Variants in ADAMTS19 observed in about 807,000 individuals in gnomAD.
The protein encoded by ADAMTS19 is A disintegrin and metalloproteinase with thrombospondin motifs 19.
Under a neutral mutation model 153.3 loss-of-function variants are expected in ADAMTS19, and 93 were observed. The observed-to-expected ratio is 0.61, with a 90% CI of 0.51 to 0.72. The LOEUF is 0.72. Among genes scored for constraint, ADAMTS19 ranks in the 30% least tolerant of loss-of-function variants. ADAMTS19 has a pLI of 0.00. For missense variants in ADAMTS19, 1,482 were observed against 1,552.1 expected (o/e 0.95, Z 0.76); for synonymous variants, 600 against 556.6 (o/e 1.08, Z -1.10).
chr5:129,723,232 A>G (rs949871814), intron 21 of ADAMTS19, among the ~76,000 whole-genome samples: 3 of 152,196 alleles, frequency 2.0e-5, no homozygotes, highest in Non-Finnish European at 4.4e-5. Context: ...ACACTTCTGT[A>G]AACTTGAACA....
chr5:129,528,519 G>A lies in ADAMTS19; in HGVS notation c.1171-1G>A. On this transcript the variant is annotated splice_acceptor_variant, in intron 5 of 22. Coordinates refer to ENST00000274487, the MANE Select transcript of ADAMTS19 (RefSeq NM_133638.6). LOFTEE classifies it high-confidence loss of function. ...TTGTGATGAGCTCTGTTCTTTTGCA[G>A]CCAGAACTATATATTGGGCATCATG... 6.3e-7 allele frequency: 1 copy of A among 1,579,304 alleles called. No homozygotes were observed. Among genetic ancestry groups the A allele is most frequent in the Non-Finnish European group, 8.6e-7 (1 of 1,166,448 alleles).
At chr5:129,567,599 C>G (rs944675092) in intron 7 of ADAMTS19, among the ~76,000 whole-genome samples, 2 of 151,956 alleles carry the variant, frequency 1.3e-5, no homozygotes, top group African/African-American at 4.8e-5. Flanking sequence ...ATGGAGCTGA[C>G]TGAGAAAAGA....
chr5:129,584,799 G>C (rs1017979621), intron 7 of ADAMTS19, among the ~76,000 whole-genome samples: 9 of 152,218 alleles, frequency 5.9e-5, no homozygotes, highest in African/African-American at 2.2e-4. Context: ...GCTGGCAGCA[G>C]GAATTTCAAG....
At chr5:129,667,983 G>A (rs752170883) in intron 16 of ADAMTS19, among the ~76,000 whole-genome samples, 2 of 152,168 alleles carry the variant, frequency 1.3e-5, no homozygotes, top group Non-Finnish European at 2.9e-5. Context: ...CAACAAAAAT[G>A]TATTCCCTCA....
chr5:129,716,576 T>C (rs1756740929), intron 21 of ADAMTS19, among the ~76,000 whole-genome samples: 1 of 147,118 alleles, frequency 6.8e-6, no homozygotes, highest in African/African-American at 2.7e-5. Flanking sequence ...CCAGTTTCTT[T>C]TTTTTTTTTT....
intron 6 of ADAMTS19, among the ~76,000 whole-genome samples, chr5:129,543,547 G>T (rs1752740000): frequency 6.6e-6 from 1 of 152,150 alleles, no homozygotes; most frequent in Admixed American, 6.6e-5. Context: ...TCCCTTGCCA[G>T]TATAATGAGG....
intron 3 of ADAMTS19, among the ~76,000 whole-genome samples, chr5:129,516,187 T>A (rs1406198877): frequency 3.3e-5 from 5 of 151,902 alleles, no homozygotes; most frequent in African/African-American, 1.2e-4. Flanking sequence ...TTCAGTTTGC[T>A]AGTATTTTGT....
At chr5:129,528,807 G>C in intron 6 of ADAMTS19, 130 bp downstream of exon 6, 1 of 641,180 alleles carries the variant, frequency 1.6e-6, no homozygotes, top group Non-Finnish European at 2.5e-6. Context: ...GCATAATGAT[G>C]TTAGTCATCT....
At position 129,563,543 on chromosome 5, in the gene ADAMTS19, C is replaced by T. The variant is rs116881619; in HGVS notation, c.1372+11636C>T. ...CTATGATGGATTCAAGGTTGACAAT[C>T]AGATTTTTGCCCACTCAGTCTAGTG... On this transcript the variant is annotated intron_variant, in intron 7 of 22. Transcript: ENST00000274487. Among the ~76,000 whole-genome samples the T allele has an allele frequency of 6.4e-4, 98 of 152,252 alleles. 1 individual carries two copies. The East Asian group carries it at 0.019, about 29-fold the overall frequency.
At chr5:129,605,368 G>C (rs1229738234) in intron 8 of ADAMTS19, among the ~76,000 whole-genome samples, 1 of 152,064 alleles carries the variant, frequency 6.6e-6, no homozygotes, top group African/African-American at 2.4e-5. Flanking sequence ...TTGCCTCTTT[G>C]TTGAAACTCA....
intron 10 of ADAMTS19, among the ~76,000 whole-genome samples, 178 bp from the exon 11 acceptor site, chr5:129,641,681 C>A (rs1752792010): frequency 6.6e-6 from 1 of 151,978 alleles, no homozygotes; most frequent in Non-Finnish European, 1.5e-5. Context: ...ATCTTCCCAT[C>A]ACTATAAATG....
At chr5:129,694,907 T>C in intron 19 of ADAMTS19, 52 bp downstream of exon 19, 1 of 1,427,250 alleles carries the variant, frequency 7.0e-7, no homozygotes, top group Non-Finnish European at 9.3e-7. Context: ...TAGATTGCTG[T>C]CCTTTAAAAC....
At chr5:129,645,818 C>A (rs1469380442) in intron 11 of ADAMTS19, among the ~76,000 whole-genome samples, 1 of 149,350 alleles carries the variant, frequency 6.7e-6, no homozygotes, top group Non-Finnish European at 1.5e-5. Flanking sequence ...AATGGCATAA[C>A]TTTTTTAAGT....
At chr5:129,641,742 T>C (rs2127023787) in intron 10 of ADAMTS19, 117 bp from the exon 11 acceptor site, 1 of 520,920 alleles carries the variant, frequency 1.9e-6, no homozygotes, top group East Asian at 3.1e-5. Context: ...ACCTAAAGCA[T>C]ATTTTTCTTC....
chr5:129,497,701 C>T (rs989696473), intron 2 of ADAMTS19, among the ~76,000 whole-genome samples: 1 of 152,084 alleles, frequency 6.6e-6, no homozygotes, highest in Non-Finnish European at 1.5e-5. Flanking sequence ...CCCAATATCA[C>T]ACCATTAATG....
At chr5:129,610,738 C>T (rs533649235) in intron 8 of ADAMTS19, among the ~76,000 whole-genome samples, 4 of 152,104 alleles carry the variant, frequency 2.6e-5, no homozygotes, top group East Asian at 1.9e-4. Flanking sequence ...TGAATAGTGC[C>T]GCAATAAACA....
intron 11 of ADAMTS19, among the ~76,000 whole-genome samples, chr5:129,644,760 A>G (rs908484360): frequency 2.0e-5 from 3 of 152,204 alleles, no homozygotes; most frequent in Non-Finnish European, 4.4e-5. Flanking sequence ...ACTTACTAGA[A>G]ATGAAAAGAG....
chr5:129,491,069 T>C (rs905064373), intron 2 of ADAMTS19, among the ~76,000 whole-genome samples: 10 of 152,154 alleles, frequency 6.6e-5, no homozygotes, highest in Non-Finnish European at 1.0e-4. Flanking sequence ...TGGCACGATC[T>C]CAGCTCACTG....
At chr5:129,674,429 C>T (rs1161833545) in intron 16 of ADAMTS19, among the ~76,000 whole-genome samples, 1 of 152,118 alleles carries the variant, frequency 6.6e-6, no homozygotes, top group African/African-American at 2.4e-5. Context: ...TTTGGCCATA[C>T]TGAATTTGTT....
Sources: gnomAD v4.1 joint callset for allele counts (sites outside exome capture counted in the v4.1 genomes callset) on GRCh38, gnomAD v4.1.1 for gene constraint, MANE v1.5 for transcripts, NCBI Gene and HGNC (gene_info 2026-07-23, HGNC 2026-07-21) for gene names.